Variants in RANBP2 observed in about 807,000 individuals in gnomAD.
The protein encoded by RANBP2 is E3 SUMO-protein ligase RanBP2.
In RANBP2, 57 loss-of-function variants were observed where a neutral mutation model predicts 303.6. That is an observed-to-expected ratio of 0.19 (90% confidence interval 0.15 to 0.23). The LOEUF is 0.23. Among genes scored for constraint, RANBP2 ranks in the 10% least tolerant of loss-of-function variants. RANBP2 has a pLI of 1.00. For missense variants in RANBP2, 3,138 were observed against 3,780.8 expected (o/e 0.83, Z 4.46); for synonymous variants, 1,167 against 1,301.5 (o/e 0.90, Z 2.23).
the RANBP2 span, among the ~76,000 whole-genome samples, chr2:109,016,779 T>C: frequency 6.6e-6 from 1 of 152,228 alleles, no homozygotes; most frequent in African/African-American, 2.4e-5. Context: ...AATGATTATG[T>C]GAAGCAGTGA....
the RANBP2 span, among the ~76,000 whole-genome samples, chr2:109,003,246 A>G: frequency 6.7e-6 from 1 of 149,326 alleles, no homozygotes; most frequent in African/African-American, 2.5e-5. Flanking sequence ...AGCAAAGTAC[A>G]CGTGCACTTT....
At chr2:109,509,031 C>T in the RANBP2 span, among the ~76,000 whole-genome samples, 1 of 152,240 alleles carries the variant, frequency 6.6e-6, no homozygotes, top group Non-Finnish European at 1.5e-5. Context: ...AACCAGCTTA[C>T]CCATTCCTGC....
chr2:109,525,356 T>G, the RANBP2 span, among the ~76,000 whole-genome samples: 7,110 of 151,638 alleles, frequency 0.047, 561 homozygotes, highest in African/African-American at 0.16. Context: ...TAGAGACAGG[T>G]TTTCACCATC....
the RANBP2 span, among the ~76,000 whole-genome samples, chr2:109,225,057 A>G: frequency 5.5e-4 from 84 of 152,202 alleles, no homozygotes; most frequent in African/African-American, 1.9e-3. Flanking sequence ...TAGCTTTTTG[A>G]CACCTGGCCT....
Position 108,771,754 on chromosome 2 carries a change from G to A in RANBP2, c.7903G>A (p.Val2635Ile). ...DSPSDDDVLIVYELTPTAEQK... is the reference protein window; with the variant it reads ...DSPSDDDVLIIYELTPTAEQK... The stretch of plus-strand genomic sequence containing the variant: ...TCCCTCAGATGATGATGTTCTCATT[G>A]TATATGAACTAACTCCAACCGCTGA... Residue 2635 changes from valine to isoleucine, a missense_variant, in exon 21 of 29, where the codon GTA becomes ATA. Physicochemically the swap from Val to Ile is conservative, Grantham distance 29. Coordinates refer to ENST00000283195, the MANE Select transcript of RANBP2 (RefSeq NM_006267.5). The A allele has an allele frequency of 4.3e-6, 7 of 1,613,882 alleles. No homozygotes were observed. Among genetic ancestry groups the A allele is most frequent in the South Asian group, 1.1e-5 (1 of 91,086 alleles).
the RANBP2 span, among the ~76,000 whole-genome samples, chr2:109,341,672 C>T: frequency 1.1e-3 from 169 of 152,328 alleles, no homozygotes; most frequent in Admixed American, 1.2e-3. Flanking sequence ...GTTTCTTCCC[C>T]CTTTGCTCTG....
chr2:109,731,110 A>G, the RANBP2 span, among the ~76,000 whole-genome samples: 1 of 152,078 alleles, frequency 6.6e-6, no homozygotes, highest in African/African-American at 2.4e-5. Flanking sequence ...TTATAAGGGC[A>G]GTAATCCTTA....
the RANBP2 span, among the ~76,000 whole-genome samples, chr2:109,577,667 C>T: frequency 1.3e-5 from 2 of 151,390 alleles, no homozygotes; most frequent in African/African-American, 4.8e-5. Context: ...AATCCCAGCA[C>T]TTTGGGAGGC....
chr2:109,560,968 C>T, the RANBP2 span, among the ~76,000 whole-genome samples: 1 of 152,202 alleles, frequency 6.6e-6, no homozygotes, highest in Non-Finnish European at 1.5e-5. Context: ...CTGGCCTCTC[C>T]TAAGCATCTC....
the RANBP2 span, among the ~76,000 whole-genome samples, chr2:109,496,596 C>T: frequency 6.6e-6 from 1 of 152,226 alleles, no homozygotes. Flanking sequence ...CTGCTTCTCC[C>T]CAGATGTTCA....
rs1358922196 is a variant in RANBP2, at chr2:108,767,170, A to G, written c.6631A>G (p.Ile2211Val). ...TGAAGASDTT[I>V]KPNPENTGPT... ...TGCGGCCGGTGCCTCAGACACAACA[A>G]TAAAACCCAATCCTGAAAACACTGG... The change falls in exon 20 of 29, where the codon ATA becomes GTA. Residue 2211 changes from isoleucine to valine, a missense_variant. Around this residue, in one of 20 missense-constraint regions of RANBP2, gnomAD observed 103 missense variants for 214.3 expected, o/e 0.48. Coordinates refer to ENST00000283195, the MANE Select transcript of RANBP2 (RefSeq NM_006267.5). 8 of 1,611,954 alleles carry G rather than the reference A, an allele frequency of 5.0e-6. No individual in the cohort carries two copies. In the African/African-American group the frequency reaches 8.0e-5, roughly 16 times the overall value.
the RANBP2 span, among the ~76,000 whole-genome samples, chr2:108,959,655 G>A: frequency 2.6e-5 from 4 of 152,194 alleles, no homozygotes; most frequent in Non-Finnish European, 4.4e-5. Flanking sequence ...TGCGCCCTGG[G>A]ACTCAGCTCT....
chr2:109,021,697 C>G, the RANBP2 span, among the ~76,000 whole-genome samples: 1 of 151,292 alleles, frequency 6.6e-6, no homozygotes, highest in South Asian at 2.1e-4. Context: ...ACACTGGCCT[C>G]GCAGGCAGTG....
At chr2:109,382,365 C>G in the RANBP2 span, among the ~76,000 whole-genome samples, 3 of 142,202 alleles carry the variant, frequency 2.1e-5, no homozygotes, top group African/African-American at 7.4e-5. Context: ...GGGGCTGACT[C>G]AGCCTGGGGC....
At chr2:109,030,265 G>A in the RANBP2 span, among the ~76,000 whole-genome samples, 1 of 152,132 alleles carries the variant, frequency 6.6e-6, no homozygotes, top group Non-Finnish European at 1.5e-5. Flanking sequence ...GCGCTCAAGT[G>A]CTTTACCTTC....
chr2:109,100,652 C>G, the RANBP2 span, among the ~76,000 whole-genome samples: 2 of 152,230 alleles, frequency 1.3e-5, no homozygotes, highest in East Asian at 1.9e-4. Flanking sequence ...AATGGATGGT[C>G]TCCCCAGGGA....
chr2:108,756,448 C>G (rs1676321562), intron 17 of RANBP2, among the ~76,000 whole-genome samples: 1 of 152,168 alleles, frequency 6.6e-6, no homozygotes, highest in Non-Finnish European at 1.5e-5. Context: ...ACTCATACTG[C>G]TAAGGTTACA....
chr2:108,741,959 A>G (rs777386801), intron 7 of RANBP2, among the ~76,000 whole-genome samples: 42 of 151,738 alleles, frequency 2.8e-4, no homozygotes, highest in Middle Eastern at 3.2e-3. Context: ...GAAAAAAAGG[A>G]TTCATTACTT....
downstream of RANBP2, chr2:108,788,015 TTTC>T (rs1384078173): frequency 2.7e-6 from 4 of 1,495,328 alleles, no homozygotes; most frequent in Non-Finnish European, 3.6e-6. Flanking sequence ...AATTAAATCT[TTTC>T]TTTTTTTTTT....
Sources: gnomAD v4.1 joint callset for allele counts (sites outside exome capture counted in the v4.1 genomes callset) on GRCh38, gnomAD v4.1.1 for gene constraint, gnomAD v4.1.1 regional missense constraint, MANE v1.5 for transcripts, NCBI Gene and HGNC (gene_info 2026-07-23, HGNC 2026-07-21) for gene names.